NPAS3: variants seen among roughly 807,000 people sequenced by gnomAD.
The protein encoded by NPAS3 is neuronal PAS domain protein 3, also known as neuronal PAS domain-containing protein 3.
Under a neutral mutation model 73.1 loss-of-function variants are expected in NPAS3, and 14 were observed. The observed-to-expected ratio is 0.19, with a 90% CI of 0.13 to 0.30. The LOEUF (loss-of-function observed/expected upper bound fraction) is 0.30. Among genes scored for constraint, NPAS3 ranks in the 10% least tolerant of loss-of-function variants. The pLI is 1.00. For synonymous variants in NPAS3, 620 were observed against 541.5 expected (o/e 1.14, Z -2.01); for missense variants, 1,096 against 1,250.0 (o/e 0.88, Z 1.86).
chr14:33,536,003 C>T (rs192252233), intron 4 of NPAS3, among the ~76,000 whole-genome samples: 42 of 152,216 alleles, frequency 2.8e-4, no homozygotes, highest in Non-Finnish European at 4.1e-4. Flanking sequence ...AGAGTAAAAC[C>T]GCTGGAGAGA....
intron 1 of NPAS3, among the ~76,000 whole-genome samples, chr14:33,054,815 T>C (rs1346836235): frequency 6.6e-6 from 1 of 152,072 alleles, no homozygotes; most frequent in Non-Finnish European, 1.5e-5. Flanking sequence ...GGTTTCACCG[T>C]GTTAGCCAGG....
At chr14:33,758,075 C>A (rs1216662213) in intron 7 of NPAS3, among the ~76,000 whole-genome samples, 3 of 152,126 alleles carry the variant, frequency 2.0e-5, no homozygotes, top group Non-Finnish European at 4.4e-5. Flanking sequence ...TCATATAATC[C>A]TTTCTTCAGA....
chr14:33,153,536 C>T (rs769045105), intron 2 of NPAS3, among the ~76,000 whole-genome samples: 7 of 151,992 alleles, frequency 4.6e-5, no homozygotes, highest in Non-Finnish European at 7.4e-5. Context: ...TTAATCTTCC[C>T]GTTTGGGGTC....
chr14:33,270,340 CACCGTGT>C (rs1230353286), intron 3 of NPAS3, among the ~76,000 whole-genome samples: 1 of 152,186 alleles, frequency 6.6e-6, no homozygotes, highest in African/African-American at 2.4e-5. Context: ...GGCACCCCAA[CACCGTGT>C]ACCACAAAGG....
At chr14:33,425,895 CA>C (rs1170690074) in intron 4 of NPAS3, among the ~76,000 whole-genome samples, 1 of 152,092 alleles carries the variant, frequency 6.6e-6, no homozygotes, top group Non-Finnish European at 1.5e-5. Flanking sequence ...GGCTTCATCT[CA>C]GTCATACTGA....
chr14:33,569,631 T>C (rs965352552), intron 5 of NPAS3, among the ~76,000 whole-genome samples: 9 of 151,086 alleles, frequency 6.0e-5, no homozygotes, highest in Non-Finnish European at 1.2e-4. Flanking sequence ...AAAAAAAAAT[T>C]GGTTCTTCAC....
chr14:33,733,572 CTT>C (rs2061451576), intron 6 of NPAS3, among the ~76,000 whole-genome samples: 1 of 152,076 alleles, frequency 6.6e-6, no homozygotes, highest in Non-Finnish European at 1.5e-5. Context: ...AAATTAAACT[CTT>C]AGAGCAGAAG....
chr14:33,719,982 A>C (rs1338436952), intron 6 of NPAS3, among the ~76,000 whole-genome samples: 1 of 152,126 alleles, frequency 6.6e-6, no homozygotes, highest in Admixed American at 6.6e-5. Flanking sequence ...TTCATGTCTA[A>C]AAAAAAGAAA....
At chr14:33,754,261 G>A (rs1339875557) in intron 7 of NPAS3, among the ~76,000 whole-genome samples, 2 of 152,164 alleles carry the variant, frequency 1.3e-5, no homozygotes, top group African/African-American at 4.8e-5. Context: ...AATAGGTGGG[G>A]TGTGAGGGAT....
At chr14:33,777,848 T>G (rs979400041) in intron 8 of NPAS3, among the ~76,000 whole-genome samples, 6 of 152,192 alleles carry the variant, frequency 3.9e-5, no homozygotes, top group African/African-American at 1.4e-4. Flanking sequence ...TTAAAAGTTT[T>G]TGTGTGGAAT....
intron 4 of NPAS3, among the ~76,000 whole-genome samples, chr14:33,540,235 T>C (rs574454395): frequency 1.3e-5 from 2 of 152,340 alleles, no homozygotes; most frequent in Admixed American, 1.3e-4. Flanking sequence ...TTTCAGAAAC[T>C]GAAAATACCA....
intron 3 of NPAS3, among the ~76,000 whole-genome samples, chr14:33,330,472 C>T (rs2043933899): frequency 6.6e-6 from 1 of 151,964 alleles, no homozygotes; most frequent in Non-Finnish European, 1.5e-5. Context: ...AGGTGTAATG[C>T]CAGGCACATA....
intron 5 of NPAS3, among the ~76,000 whole-genome samples, chr14:33,614,313 C>G (rs1168905028): frequency 1.3e-5 from 2 of 152,210 alleles, no homozygotes; most frequent in Non-Finnish European, 2.9e-5. Context: ...AATTGCCAAA[C>G]AGGCATGACA....
chr14:33,285,196 A>G, intron 3 of NPAS3, among the ~76,000 whole-genome samples: 1 of 152,206 alleles, frequency 6.6e-6, no homozygotes, highest in East Asian at 1.9e-4. Context: ...AAATGGCATG[A>G]GGAATGAAAA....
intron 3 of NPAS3, among the ~76,000 whole-genome samples, chr14:33,324,075 A>G (rs2043579910): frequency 6.6e-6 from 1 of 152,218 alleles, no homozygotes; most frequent in African/African-American, 2.4e-5. Context: ...TAAGAAGCAG[A>G]CAGTGACCGC....
intron 7 of NPAS3, among the ~76,000 whole-genome samples, chr14:33,758,596 A>G (rs2062188414): frequency 6.6e-6 from 1 of 152,222 alleles, no homozygotes; most frequent in Non-Finnish European, 1.5e-5. Flanking sequence ...CTCTAATGAA[A>G]TTTACCTCTT....
chr14:33,457,735 C>T (rs967337795), intron 4 of NPAS3, among the ~76,000 whole-genome samples: 1 of 152,134 alleles, frequency 6.6e-6, no homozygotes, highest in Non-Finnish European at 1.5e-5. Context: ...TCGCTGTAGC[C>T]TTGCCCTTAG....
chr14:33,621,848 ACT>A (rs1346346055), intron 5 of NPAS3, among the ~76,000 whole-genome samples: 1 of 152,128 alleles, frequency 6.6e-6, no homozygotes, highest in Non-Finnish European at 1.5e-5. Context: ...AAATGAAGAA[ACT>A]CTGACAGGGG....
At chr14:32,945,815 C>A (rs139968013) in intron 1 of NPAS3, among the ~76,000 whole-genome samples, 1 of 152,272 alleles carries the variant, frequency 6.6e-6, no homozygotes, top group African/African-American at 2.4e-5. Flanking sequence ...CCTTTACTAT[C>A]CCAGTAGTTT....
Sources: allele counts gnomAD v4.1 joint callset (sites outside exome capture counted in the v4.1 genomes callset), GRCh38; gene constraint gnomAD v4.1.1; transcripts MANE v1.5; gene names NCBI Gene and HGNC (gene_info 2026-07-23, HGNC 2026-07-21).